The following SYT1 variants were observed in gnomAD, a reference collection of about 807,000 sequenced individuals.
SYT1 encodes the protein synaptotagmin-1.
SYT1 carries 8 observed loss-of-function variants against 44.8 expected under a neutral mutation model. The ratio of observed to expected loss-of-function variants is 0.18; its 90% CI spans 0.10 to 0.32. SYT1 has a LOEUF of 0.32. SYT1 is among the 10% of genes least tolerant of loss of function. The pLI is 1.00. For synonymous variants in SYT1, 154 were observed against 188.8 expected (o/e 0.82, Z 1.51); for missense variants, 286 against 509.3 (o/e 0.56, Z 4.22).
At chr12:78,907,561 C>T (rs1488821791) in intron 1 of SYT1, among the ~76,000 whole-genome samples, 4 of 151,962 alleles carry the variant, frequency 2.6e-5, no homozygotes, top group Non-Finnish European at 5.9e-5. Context: ...TAGAGATTTA[C>T]ATCGTCAAAG....
chr12:79,153,024 C>T (rs1019157567), intron 3 of SYT1, among the ~76,000 whole-genome samples: 2 of 151,740 alleles, frequency 1.3e-5, no homozygotes, highest in East Asian at 3.9e-4. Context: ...TTAAGGTAAG[C>T]TACATTAATC....
At chr12:79,034,541 T>C (rs1166343899) in intron 2 of SYT1, among the ~76,000 whole-genome samples, 1 of 151,768 alleles carries the variant, frequency 6.6e-6, no homozygotes, top group East Asian at 1.9e-4. Flanking sequence ...AAAGAAGTTA[T>C]GAACTGAGTT....
At chr12:78,890,503 C>T (rs149219954) in intron 1 of SYT1, among the ~76,000 whole-genome samples, 114 of 151,840 alleles carry the variant, frequency 7.5e-4, no homozygotes, top group African/African-American at 2.5e-3. Flanking sequence ...CAAACCTGCA[C>T]GTTGTGCACA....
chr12:79,209,743 T>C (rs1874329694), intron 3 of SYT1, among the ~76,000 whole-genome samples: 2 of 152,162 alleles, frequency 1.3e-5, no homozygotes, highest in African/African-American at 2.4e-5. Context: ...AAGAACTGAA[T>C]AGACCTGGCC....
intron 8 of SYT1, among the ~76,000 whole-genome samples, chr12:79,326,752 T>C (rs1881625583): frequency 6.6e-6 from 1 of 152,198 alleles, no homozygotes; most frequent in Admixed American, 6.5e-5. Flanking sequence ...TCTTAATGGT[T>C]GTGTTTATTT....
intron 3 of SYT1, among the ~76,000 whole-genome samples, chr12:79,181,430 AT>A (rs1419645922): frequency 6.6e-6 from 1 of 152,084 alleles, no homozygotes; most frequent in Non-Finnish European, 1.5e-5. Context: ...TTGAATGCAT[AT>A]CACATTGTTT....
chr12:79,223,499 G>A (rs1875300684), intron 4 of SYT1, among the ~76,000 whole-genome samples: 2 of 152,120 alleles, frequency 1.3e-5, no homozygotes, highest in South Asian at 2.1e-4. Flanking sequence ...TATGGCACTG[G>A]GGCAGACCAA....
At chr12:79,281,078 G>A (rs1310052766) in intron 4 of SYT1, among the ~76,000 whole-genome samples, 2 of 151,638 alleles carry the variant, frequency 1.3e-5, no homozygotes, top group Non-Finnish European at 2.9e-5. Context: ...CAACTTCTAT[G>A]CAGAACAGTA....
chr12:78,958,416 C>T lies in SYT1; in HGVS notation c.-216-19383C>T, dbSNP rs573199927. On this transcript the variant is annotated intron_variant, in intron 1 of 10. Transcript: ENST00000261205. ...AAATCAATCAAAACACAAACAAGGCCGGGAGCCATGGCTTACACCAGAAAT... is the reference window on the plus strand; with the variant it reads ...AAATCAATCAAAACACAAACAAGGCTGGGAGCCATGGCTTACACCAGAAAT... Among the ~76,000 whole-genome samples, 98 of 151,950 alleles carry T rather than the reference C, an allele frequency of 6.4e-4. 1 individual carries two copies. The highest frequency in any genetic ancestry group is 9.2e-4 in the Admixed American group (14 of 15,244).
intron 9 of SYT1, among the ~76,000 whole-genome samples, chr12:79,419,505 A>C (rs1057112433): frequency 2.6e-5 from 4 of 152,164 alleles, no homozygotes; most frequent in African/African-American, 9.7e-5. Context: ...TACATTTCTA[A>C]GCATAGACTT....
chr12:79,025,289 C>T (rs1872457455), intron 2 of SYT1, among the ~76,000 whole-genome samples: 1 of 151,752 alleles, frequency 6.6e-6, no homozygotes, highest in Non-Finnish European at 1.5e-5. Flanking sequence ...GACTCCACAT[C>T]AACATGATTC....
intron 4 of SYT1, among the ~76,000 whole-genome samples, chr12:79,237,333 G>A (rs1338919315): frequency 6.6e-6 from 1 of 152,178 alleles, no homozygotes; most frequent in African/African-American, 2.4e-5. Context: ...AGTTTAGGTT[G>A]CATTAAATAA....
chr12:78,995,830 A>T (rs759275255), intron 2 of SYT1: 1 of 152,234 alleles, frequency 6.6e-6, no homozygotes, highest in Non-Finnish European at 1.5e-5. Flanking sequence ...AGAAAAAATA[A>T]GAAGTGGCTC....
intron 1 of SYT1, among the ~76,000 whole-genome samples, chr12:78,936,320 C>A (rs1878055239): frequency 6.6e-6 from 1 of 152,112 alleles, no homozygotes; most frequent in Admixed American, 6.5e-5. Flanking sequence ...TTCCTGGTAA[C>A]TTGAACACTA....
At chr12:79,318,290 A>G (rs1314298804) in intron 8 of SYT1, among the ~76,000 whole-genome samples, 1 of 152,170 alleles carries the variant, frequency 6.6e-6, no homozygotes, top group African/African-American at 2.4e-5. Flanking sequence ...ACTCTCTTCT[A>G]AATTCCTCAA....
At chr12:79,144,685 G>C (rs2138229191) in intron 3 of SYT1, among the ~76,000 whole-genome samples, 1 of 152,300 alleles carries the variant, frequency 6.6e-6, no homozygotes, top group Admixed American at 6.5e-5. Context: ...TCACACCCTG[G>C]CTCATTTCGT....
At chr12:78,899,661 T>C (rs1875553077) in intron 1 of SYT1, among the ~76,000 whole-genome samples, 1 of 152,004 alleles carries the variant, frequency 6.6e-6, no homozygotes, top group Non-Finnish European at 1.5e-5. Flanking sequence ...TGAAATTTAA[T>C]GTAGCGCTTA....
chr12:79,007,523 C>T (rs1183613423), intron 2 of SYT1, among the ~76,000 whole-genome samples: 1 of 152,082 alleles, frequency 6.6e-6, no homozygotes, highest in African/African-American at 2.4e-5. Flanking sequence ...GTGGTAATAA[C>T]AGTACTGCAG....
At chr12:79,435,782 G>T (rs1870054057) in intron 9 of SYT1, among the ~76,000 whole-genome samples, 1 of 152,116 alleles carries the variant, frequency 6.6e-6, no homozygotes, top group African/African-American at 2.4e-5. Flanking sequence ...TTCTGTTTGG[G>T]GTTGTCTTGT....
Sources: gnomAD v4.1 joint callset for allele counts (sites outside exome capture counted in the v4.1 genomes callset) on GRCh38, gnomAD v4.1.1 for gene constraint, MANE v1.5 for transcripts, NCBI Gene and HGNC (gene_info 2026-07-23, HGNC 2026-07-21) for gene names.